MRNIP: variants seen among roughly 807,000 people sequenced by gnomAD.
MRNIP encodes the protein MRN complex interacting protein.
Under a neutral mutation model 29.8 loss-of-function variants are expected in MRNIP, and 30 were observed. The ratio of observed to expected loss-of-function variants is 1.01; its 90% CI spans 0.75 to 1.36. The LOEUF (loss-of-function observed/expected upper bound fraction) is 1.36, where lower values mean the gene tolerates loss of function less well. MRNIP is among the 40% of genes most tolerant of loss of function. The pLI, the probability that MRNIP is intolerant of heterozygous loss-of-function variation, is 0.00. For missense variants in MRNIP, 459 were observed against 423.5 expected, an observed-to-expected ratio of 1.08 and a Z score of -0.74; for synonymous variants, 201 against 164.1, an observed-to-expected ratio of 1.23 and a Z score of -1.72.
At chr5:179,847,737 A>G (rs1313135412) in intron 3 of MRNIP, 7 of 438,324 alleles carry the variant, frequency 1.6e-5, no homozygotes, top group African/African-American at 6.1e-5. Context: ...ACAGGTCTGG[A>G]CCTCATCACA....
chr5:179,853,433 T>G lies in MRNIP; in HGVS notation c.71A>C (p.Lys24Thr). Reference protein sequence around the residue: ...SCRLFQAHQVKKSVKWTCKAC... With the variant: ...SCRLFQAHQVTKSVKWTCKAC... ...TTTGCATGTCCACTTGACACTCTTT[T>G]TTACCTGCAATGAAATTTCAGAAAT... The change falls in exon 2 of 7, where the codon AAA becomes ACA. Residue 24 changes from lysine (K) to threonine (T), a missense_variant. By Grantham distance (78) the Lys-to-Thr change is moderately conservative. Coordinates refer to ENST00000292586, the MANE Select transcript of MRNIP (RefSeq NM_016175.4). The G allele has an allele frequency of 6.2e-7, 1 of 1,609,428 alleles. No homozygotes were observed. The highest frequency in any genetic ancestry group is 8.5e-7 in the Non-Finnish European group (1 of 1,177,610).
chr5:179,854,183 G>A (rs1759491997), intron 1 of MRNIP, among the ~76,000 whole-genome samples: 1 of 151,782 alleles, frequency 6.6e-6, no homozygotes, highest in African/African-American at 2.4e-5. Flanking sequence ...ACCACGCCTG[G>A]CTAATTTTTT....
At chr5:179,842,938 C>T (rs1758957506) in intron 4 of MRNIP, among the ~76,000 whole-genome samples, 1 of 151,456 alleles carries the variant, frequency 6.6e-6, no homozygotes, top group South Asian at 2.1e-4. Flanking sequence ...GAGGCTGAGG[C>T]AGGAGAATTG....
At chr5:179,857,817 G>A (rs6897677) in intron 1 of MRNIP, among the ~76,000 whole-genome samples, 62,657 of 151,476 alleles carry the variant, frequency 0.41, 14,321 homozygotes, top group East Asian at 0.78. Flanking sequence ...GTTCGAGACC[G>A]GCCTGACCAA....
In MRNIP at chr5:179,848,404, T is replaced by C. The variant is rs62406256; in HGVS notation, c.127-338A>G. ...AAGTAACACATATTGCCATATTGTA[T>C]AACATACTGCCAAAAAATATATGAA... On this transcript the variant is annotated intron_variant, in intron 2 of 6. Transcript: ENST00000292586. Among the ~76,000 whole-genome samples, 201 of 152,342 alleles carry C rather than the reference T, an allele frequency of 1.3e-3. 1 individual carries two copies. The highest frequency in any genetic ancestry group is 2.3e-3 in the Non-Finnish European group (159 of 68,032).
chr5:179,847,491 A>G (rs1759186318), intron 3 of MRNIP: 1 of 155,864 alleles, frequency 6.4e-6, no homozygotes, highest in Non-Finnish European at 1.4e-5. Context: ...TTGTCAGCTC[A>G]TCAGTGCATT....
At chr5:179,842,691 C>CTCCG (rs1460796019) in intron 4 of MRNIP, among the ~76,000 whole-genome samples, 8 of 89,228 alleles carry the variant, frequency 9.0e-5, no homozygotes, top group African/African-American at 4.1e-4. Flanking sequence ...CAGAGCGAGA[C>CTCCG]TCCGTCTCAA....
intron 2 of MRNIP, among the ~76,000 whole-genome samples, chr5:179,848,664 T>C (rs936182959): frequency 3.3e-5 from 5 of 152,174 alleles, no homozygotes; most frequent in Non-Finnish European, 7.3e-5. Context: ...CAGATGCTAG[T>C]AAGTGCTCCT....
At chr5:179,851,183 G>C (rs1759351437) in intron 2 of MRNIP, 5 of 453,662 alleles carry the variant, frequency 1.1e-5, no homozygotes, top group South Asian at 4.7e-5. Context: ...TCCTCAAGGA[G>C]AATGTAGAAA....
intron 2 of MRNIP, among the ~76,000 whole-genome samples, chr5:179,852,235 G>C (rs185572697): frequency 6.6e-6 from 1 of 150,918 alleles, no homozygotes; most frequent in East Asian, 1.9e-4. Context: ...GCAGTGAGCC[G>C]AGATTGCGCC....
intron 4 of MRNIP, among the ~76,000 whole-genome samples, chr5:179,842,649 G>A (rs1326694523): frequency 1.5e-4 from 21 of 137,216 alleles, no homozygotes; most frequent in African/African-American, 3.9e-4. Flanking sequence ...GCAGTGAGCC[G>A]AGATGGTGCC....
rs746949003 is a variant in MRNIP, at chr5:179,837,595, G to A, written c.828C>T (p.Leu276=). Residue 276 remains leucine (L), a synonymous_variant, in exon 7 of 7, where the codon CTC becomes CTT. Transcript: ENST00000292586. ...TPRAQASREG[L]SRPTAAVQLP... The stretch of plus-strand genomic sequence containing the variant: ...GCTGGACAGCGGCAGTGGGCCTGCT[G>A]AGGCCTTCTCTTGAGGCCTGTGCTC... The A allele has an allele frequency of 1.1e-5, 18 of 1,614,176 alleles. No homozygotes were observed. The South Asian group carries it at 1.9e-4, about 17-fold the overall frequency.
chr5:179,841,761 G>T, intron 5 of MRNIP, 146 bp downstream of exon 5: 2 of 821,180 alleles, frequency 2.4e-6, no homozygotes, highest in South Asian at 1.7e-5. Context: ...GCCAGCAGTG[G>T]CAGCAGCTGC....
chr5:179,846,290 CTTTTTTTT>C (rs540881589), intron 3 of MRNIP: 4 of 143,318 alleles, frequency 2.8e-5, no homozygotes, highest in East Asian at 2.0e-4. Context: ...TTCTTTTTTT[CTTTTTTTT>C]TTTTGAGATG....
chr5:179,843,055 A>AAGGAAGGAAGGAAGGG (rs1758974354), intron 4 of MRNIP, among the ~76,000 whole-genome samples: 3 of 121,596 alleles, frequency 2.5e-5, no homozygotes, highest in Non-Finnish European at 5.4e-5. Context: ...GGAAGGAAGG[A>AAGGAAGGAAGGAAGGG]AGGAAGGGAG....
rs888844729 is a variant in MRNIP at position 179,844,179 on chromosome 5, G to C, written c.264C>G (p.His88Gln). Residue 88 changes from histidine (H) to glutamine (Q), a missense_variant, in exon 4 of 7, where the codon CAC (histidine) becomes CAG (glutamine). Physicochemically the swap from His to Gln is conservative, Grantham distance 24 (BLOSUM62 0). Coordinates refer to ENST00000292586, the MANE Select transcript of MRNIP (RefSeq NM_016175.4). ...GCTGCTTCACATTCCCAGCCTGCTGGTGTCCCACGTTTTCTTCTTCACTGG... is the reference window on the plus strand; with the variant it reads ...GCTGCTTCACATTCCCAGCCTGCTGCTGTCCCACGTTTTCTTCTTCACTGG... ...VSASEEENVG[H>Q]QQAGNVKQQE... 1.2e-6 allele frequency: 2 copies of C among 1,614,148 alleles called. No individual in the cohort carries two copies. The highest frequency in any genetic ancestry group is 1.1e-5 in the South Asian group (1 of 91,078).
At chr5:179,847,145 C>T (rs1759167609) in intron 3 of MRNIP, 1 of 148,306 alleles carries the variant, frequency 6.7e-6, no homozygotes, top group South Asian at 2.2e-4. Context: ...CATTTTTGAC[C>T]TCTGAGAGTT....
intron 4 of MRNIP, 61 bp downstream of exon 4, chr5:179,844,091 C>G (rs451903): frequency 1.5e-6 from 2 of 1,351,696 alleles, no homozygotes; most frequent in East Asian, 2.3e-5. Flanking sequence ...CTGGATACAT[C>G]TGTGCATTCA....
intron 3 of MRNIP, 42 bp from the exon 4 acceptor site, chr5:179,844,269 G>C (rs753899072): frequency 7.8e-6 from 12 of 1,545,784 alleles, no homozygotes; most frequent in Non-Finnish European, 9.8e-6. Context: ...AAAATGACCA[G>C]GGGCTGGGCA....
Sources: allele counts gnomAD v4.1 joint callset (sites outside exome capture counted in the v4.1 genomes callset), GRCh38; gene constraint gnomAD v4.1.1; transcripts MANE v1.5; gene names NCBI Gene and HGNC (gene_info 2026-07-23, HGNC 2026-07-21).